The following DDX10 variants were observed in gnomAD, a reference collection of about 807,000 sequenced individuals.
The protein encoded by DDX10 is probable ATP-dependent RNA helicase DDX10.
DDX10 carries 74 observed loss-of-function variants against 104.3 expected under a neutral mutation model. The ratio of observed to expected loss-of-function variants is 0.71; its 90% CI spans 0.59 to 0.86. The LOEUF (loss-of-function observed/expected upper bound fraction) is 0.86. Among genes scored for constraint, DDX10 ranks in the 40% least tolerant of loss-of-function variants. DDX10 has a pLI of 0.00. For missense variants in DDX10, 952 were observed against 1,040.0 expected, an observed-to-expected ratio of 0.92 and a Z score of 1.16; for synonymous variants, 351 against 353.4, an observed-to-expected ratio of 0.99 and a Z score of 0.08.
intron 6 of DDX10, among the ~76,000 whole-genome samples, chr11:108,686,953 T>A (rs1443906616): frequency 6.6e-6 from 1 of 151,980 alleles, no homozygotes. Flanking sequence ...CCCGGCTACT[T>A]TTTTTGTACT....
At chr11:108,725,833 C>T (rs1240911553) in intron 13 of DDX10, among the ~76,000 whole-genome samples, 4 of 151,896 alleles carry the variant, frequency 2.6e-5, no homozygotes, top group South Asian at 2.1e-4. Flanking sequence ...ATATATGTGT[C>T]GTATCTGATA....
intron 17 of DDX10, among the ~76,000 whole-genome samples, chr11:108,931,951 C>T (rs1465457029): frequency 6.6e-6 from 1 of 151,864 alleles, no homozygotes; most frequent in African/African-American, 2.4e-5. Flanking sequence ...TTTTAGTGAG[C>T]CAACAAAAGC....
intron 3 of DDX10, 33 bp from the exon 4 acceptor site, chr11:108,677,052 A>T (rs771359091): frequency 5.1e-6 from 8 of 1,578,806 alleles, no homozygotes. Flanking sequence ...ACTTCTGATG[A>T]CTTACTGAAC....
chr11:108,705,985 T>G (rs1445606565), intron 9 of DDX10, among the ~76,000 whole-genome samples: 1 of 152,108 alleles, frequency 6.6e-6, no homozygotes, highest in African/African-American at 2.4e-5. Flanking sequence ...CTTTCTTTTT[T>G]TTTTGAGACG....
chr11:108,683,890 T>C (rs898336680), intron 6 of DDX10, among the ~76,000 whole-genome samples: 2 of 151,978 alleles, frequency 1.3e-5, no homozygotes, highest in African/African-American at 4.8e-5. Context: ...GGGGTGGAGG[T>C]TGTGTGTACT....
chr11:108,665,857 C>G lies in DDX10; in HGVS notation c.186+518C>G, dbSNP rs1039803275. Among the ~76,000 whole-genome samples the G allele has an allele frequency of 4.6e-5, 7 of 152,178 alleles. No individual in the cohort carries two copies. The East Asian group carries it at 1.2e-3, about 25-fold the overall frequency. ...CTTTGCTTTTAACCATGAAGCCAGA[C>G]TGCATCCCTCAACATCATCTATGCT... On this transcript the variant is annotated intron_variant, in intron 1 of 17. Transcript: ENST00000322536.
intron 13 of DDX10, among the ~76,000 whole-genome samples, chr11:108,784,976 A>G (rs1861770134): frequency 1.3e-5 from 2 of 151,976 alleles, no homozygotes; most frequent in South Asian, 2.1e-4. Context: ...ATTCTTGTCA[A>G]TTTTGTTGAA....
At chr11:108,781,645 C>G (rs367659691) in intron 13 of DDX10, among the ~76,000 whole-genome samples, 1 of 152,018 alleles carries the variant, frequency 6.6e-6, no homozygotes, top group Admixed American at 6.6e-5. Context: ...AGTTGAAATG[C>G]CTTTTTAAAA....
chr11:108,706,721 T>C lies in DDX10; in HGVS notation c.1224-18T>C. ...AGATTGCATTGATGTGTTAAAGATT[T>C]TGTTTCTTTTTGTTTAGGTACAAAG... On this transcript the variant is annotated intron_variant, in intron 9 of 17. Transcript: ENST00000322536. The C allele has an allele frequency of 1.3e-6, 2 of 1,594,478 alleles. No homozygotes were observed. The highest frequency in any genetic ancestry group is 1.7e-6 in the Non-Finnish European group (2 of 1,162,244).
In DDX10 at chr11:108,841,991, AT is replaced by A. The variant is rs199799654; in HGVS notation, c.2247+517del. ...TGGATGTACTGAGGTTTGTTTCACC[AT>A]TCAACCATTGGAAAAGATTGATGGT... On this transcript the variant is annotated intron_variant, in intron 15 of 17. Transcript: ENST00000322536. Among the ~76,000 whole-genome samples the A allele has an allele frequency of 4.3e-3, 660 of 152,298 alleles. 6 individuals are homozygous for A. The highest frequency in any genetic ancestry group is 0.014 in the African/African-American group (582 of 41,572).
rs753927469 is a variant in DDX10 at position 108,940,324 on chromosome 11, AAAG to A, written c.2533_2535del (p.Lys845del). The A allele has an allele frequency of 6.2e-7, 1 of 1,614,068 alleles. No homozygotes were observed. Among genetic ancestry groups the A allele is most frequent in the Non-Finnish European group, 8.5e-7 (1 of 1,180,014 alleles). On this transcript the variant is annotated inframe_deletion, in exon 18 of 18. Transcript: ENST00000322536. ...ACGTGGGACCAACAAGTCATAACAG[AAAG>A]AAGGCCAGGTGGGACACTTTAGAGC... is the stretch of plus-strand genomic sequence containing the variant.
intron 15 of DDX10, among the ~76,000 whole-genome samples, chr11:108,850,119 T>C (rs1441521300): frequency 3.9e-5 from 6 of 152,132 alleles, no homozygotes; most frequent in Non-Finnish European, 8.8e-5. Flanking sequence ...AGTTTGTCAT[T>C]AGTGCATTTG....
intron 9 of DDX10, among the ~76,000 whole-genome samples, chr11:108,705,342 C>T (rs2094274366): frequency 6.6e-6 from 1 of 152,168 alleles, no homozygotes; most frequent in Non-Finnish European, 1.5e-5. Context: ...CCTAGGGGGA[C>T]AGCTTTAAAC....
At chr11:108,912,690 C>T (rs73011414) in intron 16 of DDX10, among the ~76,000 whole-genome samples, 7,125 of 152,170 alleles carry the variant, frequency 0.047, 271 homozygotes, top group Middle Eastern at 0.092. Flanking sequence ...GCTACATACC[C>T]TCCTCACAAT....
At chr11:108,716,511 G>A (rs2094291675) in intron 11 of DDX10, among the ~76,000 whole-genome samples, 1 of 152,070 alleles carries the variant, frequency 6.6e-6, no homozygotes, top group South Asian at 2.1e-4. Flanking sequence ...GTGATTTTTT[G>A]GATGCACAGT....
chr11:108,889,935 G>A (rs1212215015), intron 16 of DDX10, among the ~76,000 whole-genome samples: 1 of 152,104 alleles, frequency 6.6e-6, no homozygotes, highest in African/African-American at 2.4e-5. Flanking sequence ...ACTTAAACAG[G>A]TTAAGGAATT....
At chr11:108,928,559 T>C (rs1304176718) in intron 17 of DDX10, among the ~76,000 whole-genome samples, 9 of 152,200 alleles carry the variant, frequency 5.9e-5, no homozygotes, top group Non-Finnish European at 1.5e-5. Context: ...GGCAGGCTAC[T>C]TGGCTTTGTG....
intron 13 of DDX10, among the ~76,000 whole-genome samples, chr11:108,837,382 C>T (rs535084224): frequency 2.6e-5 from 4 of 152,026 alleles, no homozygotes; most frequent in Admixed American, 6.5e-5. Flanking sequence ...GAGGATAATC[C>T]AAATCCTCAG....
chr11:108,776,928 G>A (rs191393285), intron 13 of DDX10, among the ~76,000 whole-genome samples: 14 of 152,340 alleles, frequency 9.2e-5, no homozygotes, highest in Admixed American at 7.2e-4. Context: ...GAGCTTCCAG[G>A]TGGGGACTTG....
Sources: allele counts gnomAD v4.1 joint callset (sites outside exome capture counted in the v4.1 genomes callset), GRCh38; gene constraint gnomAD v4.1.1; transcripts MANE v1.5; gene names NCBI Gene and HGNC (gene_info 2026-07-23, HGNC 2026-07-21).